Variants in CCDC63 observed in about 807,000 individuals in gnomAD.
The protein encoded by CCDC63 is coiled-coil domain containing 63, also known as coiled-coil domain-containing protein 63.
In CCDC63, 54 loss-of-function variants were observed where a neutral mutation model predicts 63.6. The ratio of observed to expected loss-of-function variants is 0.85; its 90% CI spans 0.68 to 1.07. The LOEUF is 1.07. CCDC63 is among the 50% of genes least tolerant of loss of function. The pLI, the probability that CCDC63 is intolerant of heterozygous loss-of-function variation, is 0.00. For synonymous variants in CCDC63, 253 were observed against 266.1 expected, an observed-to-expected ratio of 0.95 and a Z score of 0.48; for missense variants, 637 against 689.6, an observed-to-expected ratio of 0.92 and a Z score of 0.86.
intron 4 of CCDC63, among the ~76,000 whole-genome samples, chr12:110,866,638 A>C (rs1470377342): frequency 6.6e-6 from 1 of 151,382 alleles, no homozygotes; most frequent in Non-Finnish European, 1.5e-5. Context: ...GTTGGGGGTA[A>C]GGTCACAGAT....
intron 11 of CCDC63, among the ~76,000 whole-genome samples, chr12:110,905,813 C>T (rs1027226685): frequency 6.1e-5 from 8 of 131,784 alleles, no homozygotes; most frequent in Non-Finnish European, 1.2e-4. Context: ...CAGGCACACA[C>T]ATGCGTGTGT....
At chr12:110,879,280 C>G (rs1404531592) in intron 5 of CCDC63, among the ~76,000 whole-genome samples, 1 of 152,206 alleles carries the variant, frequency 6.6e-6, no homozygotes, top group Non-Finnish European at 1.5e-5. Context: ...TAATCTAGAA[C>G]AGTGGCTCTC....
intron 4 of CCDC63, among the ~76,000 whole-genome samples, chr12:110,873,402 T>C (rs779568290): frequency 2.0e-5 from 3 of 152,158 alleles, no homozygotes; most frequent in Non-Finnish European, 4.4e-5. Flanking sequence ...ACCCACCCAT[T>C]ACATGCCACT....
intron 4 of CCDC63, among the ~76,000 whole-genome samples, chr12:110,870,786 T>G (rs1274588869): frequency 3.9e-5 from 6 of 152,154 alleles, no homozygotes; most frequent in Non-Finnish European, 2.9e-5. Flanking sequence ...CCTCTTTTAT[T>G]TCAAAATAAC....
chr12:110,859,972 CT>C (rs2070831709), intron 4 of CCDC63, among the ~76,000 whole-genome samples: 1 of 152,142 alleles, frequency 6.6e-6, no homozygotes, highest in Non-Finnish European at 1.5e-5. Context: ...TCAGGGAGGC[CT>C]TTTCTGTGCC....
Position 110,846,996 on chromosome 12 carries a change from C to G in CCDC63, c.-206C>G, listed in dbSNP as rs1366019892. 1.3e-5 allele frequency: 2 copies of G among 152,132 alleles called. No individual in the cohort carries two copies. The highest frequency in any genetic ancestry group is 2.9e-5 in the Non-Finnish European group (2 of 68,042). The allele number at this position is 152,132 out of a possible 1,614,324, so 9.4% of individuals were successfully genotyped here. On this transcript the variant is annotated 5_prime_UTR_variant, in exon 1 of 12. Coordinates refer to ENST00000308208, the MANE Select transcript of CCDC63 (RefSeq NM_152591.3). ...GCGTGGGGCTGGGGGTGTGGCGCAG[C>G]GAGGCCGCGCAGCAAGCAGTCCTCC...
At chr12:110,850,491 C>T (rs1325137402) in intron 1 of CCDC63, among the ~76,000 whole-genome samples, 1 of 152,176 alleles carries the variant, frequency 6.6e-6, no homozygotes, top group Admixed American at 6.5e-5. Context: ...CCTGTAATCC[C>T]AGCACTTTGG....
At chr12:110,860,454 C>A (rs1355402468) in intron 4 of CCDC63, among the ~76,000 whole-genome samples, 2 of 152,220 alleles carry the variant, frequency 1.3e-5, no homozygotes, top group Non-Finnish European at 1.5e-5. Flanking sequence ...CAGTGCCACC[C>A]CTGCCCGCAA....
At chr12:110,882,771 G>C (rs944776179) in intron 7 of CCDC63, among the ~76,000 whole-genome samples, 1 of 152,076 alleles carries the variant, frequency 6.6e-6, no homozygotes, top group Admixed American at 6.6e-5. Flanking sequence ...GAGGTGGGAG[G>C]ATCGCCTGAG....
At chr12:110,882,074 A>G (rs1376152144) in intron 7 of CCDC63, among the ~76,000 whole-genome samples, 2 of 152,188 alleles carry the variant, frequency 1.3e-5, no homozygotes, top group Non-Finnish European at 2.9e-5. Context: ...GTGATGCATT[A>G]CAGTGAAAAG....
At chr12:110,877,987 A>T (rs577765807) in intron 5 of CCDC63, among the ~76,000 whole-genome samples, 2 of 152,120 alleles carry the variant, frequency 1.3e-5, no homozygotes, top group East Asian at 3.9e-4. Flanking sequence ...GATTACAGGC[A>T]TGAGCCACTG....
chr12:110,867,757 C>A (rs1366114548), intron 4 of CCDC63, among the ~76,000 whole-genome samples: 1 of 138,492 alleles, frequency 7.2e-6, no homozygotes, highest in Non-Finnish European at 1.6e-5. Flanking sequence ...GGGGGCTGAC[C>A]CCCCCATCTC....
chr12:110,863,610 G>A (rs2070894157), intron 4 of CCDC63, among the ~76,000 whole-genome samples: 2 of 149,744 alleles, frequency 1.3e-5, no homozygotes, highest in South Asian at 2.1e-4. Flanking sequence ...GCACAATCTC[G>A]GCTCACTGCA....
At chr12:110,901,108 CTATT>C (rs907529077) in intron 10 of CCDC63, among the ~76,000 whole-genome samples, 5 of 152,080 alleles carry the variant, frequency 3.3e-5, no homozygotes, top group Non-Finnish European at 5.9e-5. Flanking sequence ...ATAGTGCAAA[CTATT>C]TAGGCATGGT....
intron 4 of CCDC63, among the ~76,000 whole-genome samples, chr12:110,859,246 A>G (rs2070819577): frequency 6.6e-6 from 1 of 151,990 alleles, no homozygotes; most frequent in Non-Finnish European, 1.5e-5. Context: ...ATTATGGGAA[A>G]GAAAGAGTTC....
At chr12:110,899,182 A>T in intron 10 of CCDC63, 57 bp downstream of exon 10, 1 of 1,496,452 alleles carries the variant, frequency 6.7e-7, no homozygotes, top group East Asian at 2.3e-5. Flanking sequence ...ACTTTCTGTG[A>T]CTGAGCATAA....
intron 1 of CCDC63, among the ~76,000 whole-genome samples, chr12:110,852,563 CT>C (rs916306163): frequency 1.3e-5 from 2 of 152,098 alleles, no homozygotes; most frequent in Non-Finnish European, 2.9e-5. Context: ...GCCCGGCCCC[CT>C]GATGCCATTT....
In CCDC63 at chr12:110,880,194, A is replaced by G. The variant is rs1050710847; in HGVS notation, c.671+107A>G. On this transcript the variant is annotated intron_variant, in intron 6 of 11. Transcript: ENST00000308208. ...GTCCCTGGTCGTTATGTGTTGGGGA[A>G]TCTTAAATCATAGTAGTAATAATTC... 19 of 923,770 alleles carry G rather than the reference A, an allele frequency of 2.1e-5. No homozygotes were observed. The African/African-American group carries it at 3.0e-4, about 14-fold the overall frequency. 57.2% of individuals were successfully genotyped at this position (923,770 alleles called of 1,614,324 possible). A position where few individuals can be genotyped will look rare whatever the true frequency, so the allele number is the denominator to read the frequency against.
chr12:110,875,283 C>T (rs921125996), intron 5 of CCDC63, among the ~76,000 whole-genome samples: 7 of 152,212 alleles, frequency 4.6e-5, no homozygotes, highest in African/African-American at 1.7e-4. Context: ...TAGATTTGGG[C>T]ATCTGCACCG....
Sources: gnomAD v4.1 joint callset for allele counts (sites outside exome capture counted in the v4.1 genomes callset) on GRCh38, gnomAD v4.1.1 for gene constraint, MANE v1.5 for transcripts, NCBI Gene and HGNC (gene_info 2026-07-23, HGNC 2026-07-21) for gene names.